EXOC3: variants seen among roughly 807,000 people sequenced by gnomAD.
The protein encoded by EXOC3 is exocyst complex component 3.
A neutral mutation model predicts 73.7 loss-of-function variants in EXOC3; 21 were observed. The ratio of observed to expected loss-of-function variants is 0.29; its 90% confidence interval spans 0.20 to 0.41. EXOC3 has a LOEUF of 0.41. Among genes scored for constraint, EXOC3 ranks in the 10% least tolerant of loss-of-function variants. The pLI is 1.00. For missense variants in EXOC3, 842 were observed against 985.1 expected, an observed-to-expected ratio of 0.85 and a Z score of 1.95; for synonymous variants, 410 against 389.1, an observed-to-expected ratio of 1.05 and a Z score of -0.63.
At chr5:447,809 C>T in intron 3 of EXOC3, 57 bp downstream of exon 3, 1 of 1,245,100 alleles carries the variant, frequency 8.0e-7, no homozygotes, top group Non-Finnish European at 1.1e-6. Flanking sequence ...GCATGACTCA[C>T]TGAGTGCTCT....
intron 5 of EXOC3, 196 bp downstream of exon 5, chr5:457,202 C>T: frequency 1.7e-6 from 1 of 585,350 alleles, no homozygotes; most frequent in Non-Finnish European, 3.1e-6. Context: ...CTTCTCTGGG[C>T]CTGGATCTGA....
chr5:451,568 C>A (rs2672721), intron 3 of EXOC3, among the ~76,000 whole-genome samples: 1 of 152,056 alleles, frequency 6.6e-6, no homozygotes, highest in East Asian at 1.9e-4. Context: ...AAGTCATGTA[C>A]GAAACAGAGT....
intron 2 of EXOC3, among the ~76,000 whole-genome samples, chr5:446,719 T>C (rs1737519117): frequency 6.6e-6 from 1 of 152,128 alleles, no homozygotes; most frequent in African/African-American, 2.4e-5. Flanking sequence ...TAGCCAGGCA[T>C]GATGGTTGAC....
intron 4 of EXOC3, among the ~76,000 whole-genome samples, chr5:454,587 CCAT>C (rs1248150069): frequency 2.0e-5 from 3 of 152,306 alleles, no homozygotes; most frequent in African/African-American, 7.2e-5. Flanking sequence ...CGAGGAAACT[CCAT>C]CATCCTTTTT....
Position 466,845 on chromosome 5 carries a change from C to T in EXOC3, c.2185C>T (p.Leu729Phe), listed in dbSNP as rs1369871446. The T allele has an allele frequency of 1.2e-6, 2 of 1,612,988 alleles. No individual in the cohort carries two copies. Among genetic ancestry groups the T allele is most frequent in the Admixed American group, 1.7e-5 (1 of 59,904 alleles). The change falls in exon 13 of 13, where the codon CTC (leucine) becomes TTC (phenylalanine). Residue 729 changes from leucine to phenylalanine, a missense_variant. Transcript: ENST00000512944. Reference protein sequence around the residue: ...PAQASPSYVPLFKDIVVPSLN... With the variant: ...PAQASPSYVPFFKDIVVPSLN... ...ACAGGCCAGCCCCAGCTACGTGCCCCTCTTCAAGGACATTGTGGTGCCCAG... is the reference window on the plus strand; with the variant it reads ...ACAGGCCAGCCCCAGCTACGTGCCCTTCTTCAAGGACATTGTGGTGCCCAG...
Position 467,209 on chromosome 5 carries a change from C to T in EXOC3, c.*311C>T, listed in dbSNP as rs1738177921. The T allele has an allele frequency of 2.9e-6, 1 of 340,846 alleles. No individual in the cohort carries two copies. Among genetic ancestry groups the T allele is most frequent in the Non-Finnish European group, 5.4e-6 (1 of 186,668 alleles). The allele number at this position is 340,846 out of a possible 1,614,324, so 21.1% of individuals were successfully genotyped here. ...CGTGCACCTCCCTGCCCTCCTCCTC[C>T]CTGGGCCTTCACCGCACCCCATCTG... On this transcript the variant is annotated 3_prime_UTR_variant, in exon 13 of 13. Coordinates refer to ENST00000512944, the MANE Select transcript of EXOC3 (RefSeq NM_007277.5).
At chr5:465,465 G>C (rs779162860) in intron 11 of EXOC3, among the ~76,000 whole-genome samples, 193 bp downstream of exon 11, 3 of 152,224 alleles carry the variant, frequency 2.0e-5, no homozygotes, top group Non-Finnish European at 4.4e-5. Context: ...CGGCCCCGCC[G>C]GCTTCCCGAG....
intron 5 of EXOC3, chr5:457,313 G>A (rs574405947): frequency 1.8e-5 from 7 of 382,704 alleles, no homozygotes; most frequent in Non-Finnish European, 3.3e-5. Context: ...CCAGGCTCTC[G>A]GCTCTGAGTC....
At chr5:446,425 C>T (rs1560934440) in intron 2 of EXOC3, 76 bp downstream of exon 2, 1 of 1,366,646 alleles carries the variant, frequency 7.3e-7, no homozygotes, top group African/African-American at 1.5e-5. Flanking sequence ...GATGATTTTG[C>T]TAAACTAGCC....
In EXOC3 at chr5:456,983, G is replaced by A. The variant is rs1219131404; in HGVS notation, c.1141G>A (p.Asp381Asn). 2 of 1,613,780 alleles carry A rather than the reference G, an allele frequency of 1.2e-6. No homozygotes were observed. The highest frequency in any genetic ancestry group is 1.7e-6 in the Non-Finnish European group (2 of 1,179,696). The part of the protein sequence containing the change: ...LSPHVVSELL[D>N]TYMSTLTSNI... ...TCCACACGTGGTCTCTGAGCTGCTT[G>A]ACACGTACATGTCCACGCTCACTGT... Residue 381 changes from aspartate (D) to asparagine (N), a missense_variant, in exon 5 of 13, where the codon GAC (aspartate) becomes AAC (asparagine). Physicochemically the swap from Asp to Asn is conservative, Grantham distance 23 (BLOSUM62 1). Transcript: ENST00000512944.
At chr5:462,094 C>T (rs764053862) in intron 8 of EXOC3, 24 bp downstream of exon 8, 14 of 1,587,978 alleles carry the variant, frequency 8.8e-6, no homozygotes, top group African/African-American at 1.3e-5. Context: ...GGCGCTGTGG[C>T]GGGGGAGCGG....
Position 446,363 on chromosome 5 carries a change from C to T in EXOC3, c.144+14C>T, listed in dbSNP as rs752068868. On this transcript the variant is annotated intron_variant, in intron 2 of 12. Transcript: ENST00000512944. The stretch of plus-strand genomic sequence containing the variant: ...GCCAGATTGAAGGTGAGGCCACCTG[C>T]CCCACTCCCAGGATCTGTCTTGGGC... 2 of 1,580,850 alleles carry T rather than the reference C, an allele frequency of 1.3e-6. No homozygotes were observed. Among genetic ancestry groups the T allele is most frequent in the East Asian group, 2.2e-5 (1 of 44,620 alleles).
rs1277952155 is a variant in EXOC3 at position 466,774 on chromosome 5, G to T, written c.2114G>T (p.Arg705Leu). 1.2e-6 allele frequency: 2 copies of T among 1,613,300 alleles called. No homozygotes were observed. Among genetic ancestry groups the T allele is most frequent in the Non-Finnish European group, 8.5e-7 (1 of 1,179,814 alleles). The change falls in exon 13 of 13, where the codon CGT (arginine) becomes CTT (leucine). Residue 705 changes from arginine to leucine, a missense_variant. Physicochemically the swap from Arg to Leu is moderately radical, Grantham distance 102. Transcript: ENST00000512944. ...CTGGCTGTGCGTGGGGACGCCAGCC[G>T]TGACATGAAGCAGACCATCATGGAG... ...ALLAVRGDAS[R>L]DMKQTIMETL...
chr5:455,846 C>T (rs911086811), intron 4 of EXOC3, among the ~76,000 whole-genome samples: 2 of 152,144 alleles, frequency 1.3e-5, no homozygotes, highest in Non-Finnish European at 2.9e-5. Context: ...CCTCATGATC[C>T]GCCCGTCTCG....
chr5:458,689 C>T (rs1560938882), intron 6 of EXOC3, among the ~76,000 whole-genome samples: 1 of 152,204 alleles, frequency 6.6e-6, no homozygotes, highest in Non-Finnish European at 1.5e-5. Flanking sequence ...GTTTTTCCTG[C>T]TCTTTTTTTC....
chr5:462,121 C>G, intron 8 of EXOC3, 36 bp from the exon 9 acceptor site: 1 of 1,610,968 alleles, frequency 6.2e-7, no homozygotes, highest in African/African-American at 1.3e-5. Flanking sequence ...CCGGCCTGCC[C>G]AGCCGCTGTG....
Position 467,038 on chromosome 5 carries a change from G to A in EXOC3, c.*140G>A, listed in dbSNP as rs530407057. 7 of 874,234 alleles carry A rather than the reference G, an allele frequency of 8.0e-6. No individual in the cohort carries two copies. The highest frequency in any genetic ancestry group is 5.3e-5 in the East Asian group (2 of 37,544). 54.2% of individuals were successfully genotyped at this position (874,234 alleles called of 1,614,324 possible). A position where few individuals can be genotyped will look rare whatever the true frequency, so the allele number is the denominator to read the frequency against. On this transcript the variant is annotated 3_prime_UTR_variant, in exon 13 of 13. Coordinates refer to ENST00000512944, the MANE Select transcript of EXOC3 (RefSeq NM_007277.5). ...TCTTTAGGTGCCAGTGTGATGCACC[G>A]GGTGTGCGTCGAGTGAGCGTCCCGA...
intron 12 of EXOC3, chr5:466,516 G>GA: frequency 3.6e-6 from 2 of 555,248 alleles, no homozygotes; most frequent in Non-Finnish European, 6.4e-6. Flanking sequence ...AAGCAGTGTT[G>GA]AAAAATCTTT....
chr5:463,683 TTTTAA>T (rs1318781956), intron 9 of EXOC3, among the ~76,000 whole-genome samples: 3 of 152,226 alleles, frequency 2.0e-5, no homozygotes, highest in Admixed American at 6.5e-5. Flanking sequence ...TTTATTGGAG[TTTTAA>T]TTTGTATACT....
Sources: allele counts gnomAD v4.1 joint callset (sites outside exome capture counted in the v4.1 genomes callset), GRCh38; gene constraint gnomAD v4.1.1; transcripts MANE v1.5; gene names NCBI Gene and HGNC (gene_info 2026-07-23, HGNC 2026-07-21).